The following RAD51B variants were observed in gnomAD, a reference collection of about 807,000 sequenced individuals.
RAD51B encodes the protein RAD51 paralog B, also known as DNA repair protein RAD51 homolog 2.
In RAD51B, 38 loss-of-function variants were observed where a neutral mutation model predicts 42.2. The ratio of observed to expected loss-of-function variants is 0.90; its 90% confidence interval spans 0.70 to 1.18. RAD51B has a LOEUF of 1.18. Among genes scored for constraint, RAD51B ranks in the 50% most tolerant of loss-of-function variants. The pLI is 0.00. For synonymous variants in RAD51B, 154 were observed against 145.2 expected, an observed-to-expected ratio of 1.06 and a Z score of -0.43; for missense variants, 373 against 400.7, an observed-to-expected ratio of 0.93 and a Z score of 0.59.
At chr14:68,445,845 A>G (rs1336098965) in intron 9 of RAD51B, among the ~76,000 whole-genome samples, 2 of 152,220 alleles carry the variant, frequency 1.3e-5, no homozygotes, top group African/African-American at 4.8e-5. Context: ...AGAGGGATCA[A>G]CTATCCTCCA....
chr14:68,214,212 G>C (rs1452586592), intron 7 of RAD51B, among the ~76,000 whole-genome samples: 1 of 152,184 alleles, frequency 6.6e-6, no homozygotes, highest in Non-Finnish European at 1.5e-5. Flanking sequence ...GAATGAGAGA[G>C]GAGGAAACCT....
chr14:68,399,262 T>TTG (rs1180341634), intron 8 of RAD51B, among the ~76,000 whole-genome samples: 2 of 150,218 alleles, frequency 1.3e-5, no homozygotes, highest in Non-Finnish European at 3.0e-5. Flanking sequence ...TTTTTGTGTT[T>TTG]TTTTTTTTTT....
chr14:67,891,551 T>C (rs2043219358), intron 7 of RAD51B, among the ~76,000 whole-genome samples: 1 of 152,122 alleles, frequency 6.6e-6, no homozygotes, highest in Non-Finnish European at 1.5e-5. Context: ...GGTTTTAAAG[T>C]GGACATATAA....
chr14:68,125,273 T>G (rs2077733102), intron 7 of RAD51B: 1 of 152,242 alleles, frequency 6.6e-6, no homozygotes, highest in African/African-American at 2.4e-5. Flanking sequence ...GTTTACTTCT[T>G]TTTTAATTCT....
chr14:68,489,575 C>T (rs1378135264), intron 10 of RAD51B, among the ~76,000 whole-genome samples: 3 of 152,252 alleles, frequency 2.0e-5, no homozygotes, highest in East Asian at 3.9e-4. Context: ...CCCCTAAAGG[C>T]TTGTTGTGCA....
chr14:67,923,356 A>G (rs1235240805), intron 7 of RAD51B, among the ~76,000 whole-genome samples: 1 of 146,746 alleles, frequency 6.8e-6, no homozygotes, highest in Non-Finnish European at 1.5e-5. Context: ...CTGGAATGCA[A>G]TGGTGCGATC....
intron 7 of RAD51B, among the ~76,000 whole-genome samples, chr14:67,988,803 A>G (rs1734874972): frequency 6.6e-6 from 1 of 152,214 alleles, no homozygotes; most frequent in Non-Finnish European, 1.5e-5. Context: ...CTTTAATTAT[A>G]TGTGATGACA....
chr14:67,951,172 C>G (rs1046769806), intron 7 of RAD51B, among the ~76,000 whole-genome samples: 10 of 152,164 alleles, frequency 6.6e-5, no homozygotes, highest in African/African-American at 2.4e-4. Flanking sequence ...GCATGGTTGC[C>G]ACAAACCCTG....
chr14:68,604,348 C>G (rs1317717665), intron 10 of RAD51B, among the ~76,000 whole-genome samples: 1 of 149,388 alleles, frequency 6.7e-6, no homozygotes. Context: ...TGATATTTGA[C>G]AAGTGCAAAG....
At chr14:68,280,823 G>A (rs1349907624) in intron 7 of RAD51B, among the ~76,000 whole-genome samples, 1 of 152,188 alleles carries the variant, frequency 6.6e-6, no homozygotes, top group Non-Finnish European at 1.5e-5. Context: ...GGAGGCCAAG[G>A]CAGGAGGATC....
rs974805202 is a variant in RAD51B, at chr14:68,317,397, T to C, written c.853+25417T>C. On this transcript the variant is annotated intron_variant, in intron 8 of 10. Transcript: ENST00000471583. ...AGACAATGTCTCTACCCTTAAGAAC[T>C]AGTAGTCCAGTGGTTTCTGTTAAAT... Among the ~76,000 whole-genome samples the C allele has an allele frequency of 4.6e-5, 7 of 152,314 alleles. No homozygotes were observed. In the South Asian group the frequency reaches 1.4e-3, roughly 32 times the overall value.
intron 4 of RAD51B, among the ~76,000 whole-genome samples, chr14:67,850,641 T>C (rs1434785289): frequency 6.6e-6 from 1 of 152,120 alleles, no homozygotes; most frequent in Non-Finnish European, 1.5e-5. Flanking sequence ...TACCATGTAC[T>C]TCCTATTTTA....
intron 8 of RAD51B, among the ~76,000 whole-genome samples, chr14:68,355,048 G>T (rs1348603159): frequency 6.6e-6 from 1 of 152,172 alleles, no homozygotes; most frequent in Admixed American, 6.5e-5. Flanking sequence ...CTGTAGAGGG[G>T]ACCGTGATGC....
intron 10 of RAD51B, among the ~76,000 whole-genome samples, chr14:68,589,729 C>A (rs1349242241): frequency 6.6e-6 from 1 of 152,202 alleles, no homozygotes; most frequent in Non-Finnish European, 1.5e-5. Flanking sequence ...GCTTAAGGAG[C>A]CCTGGCATCT....
At chr14:68,348,569 T>C (rs2082718920) in intron 8 of RAD51B, among the ~76,000 whole-genome samples, 4 of 152,222 alleles carry the variant, frequency 2.6e-5, no homozygotes, top group Admixed American at 2.6e-4. Context: ...AATGCATATG[T>C]TTGTTTAAAA....
chr14:68,516,129 T>C (rs1886138212), intron 10 of RAD51B, among the ~76,000 whole-genome samples: 1 of 152,220 alleles, frequency 6.6e-6, no homozygotes, highest in South Asian at 2.1e-4. Context: ...CAAGTGATTA[T>C]TGTTGTTTTA....
At chr14:67,984,195 C>G (rs992916118) in intron 7 of RAD51B, among the ~76,000 whole-genome samples, 4 of 152,040 alleles carry the variant, frequency 2.6e-5, no homozygotes, top group African/African-American at 9.7e-5. Flanking sequence ...CCTCTGCCTC[C>G]CAAAGTGCTG....
At chr14:67,982,521 AT>A (rs1201067860) in intron 7 of RAD51B, among the ~76,000 whole-genome samples, 1 of 152,160 alleles carries the variant, frequency 6.6e-6, no homozygotes, top group Non-Finnish European at 1.5e-5. Flanking sequence ...GGAGAAGACC[AT>A]TTCATAAAGG....
chr14:68,536,749 C>T (rs916269767), intron 10 of RAD51B, among the ~76,000 whole-genome samples: 1 of 152,022 alleles, frequency 6.6e-6, no homozygotes, highest in African/African-American at 2.4e-5. Context: ...GTCTTTTTCC[C>T]CCCTTTTGCT....
Sources: gnomAD v4.1 joint callset for allele counts (sites outside exome capture counted in the v4.1 genomes callset) on GRCh38, gnomAD v4.1.1 for gene constraint, MANE v1.5 for transcripts, NCBI Gene and HGNC (gene_info 2026-07-23, HGNC 2026-07-21) for gene names.